Variants in MAP7 observed in about 807,000 individuals in gnomAD.
MAP7 encodes the protein microtubule associated protein 7, also known as ensconsin.
A neutral mutation model predicts 94.8 loss-of-function variants in MAP7; 52 were observed. That is an observed-to-expected ratio of 0.55 (90% CI 0.44 to 0.69). The LOEUF is 0.69. Ranked by LOEUF, MAP7 falls within the 30% of genes least tolerant of loss-of-function variation. The pLI, the probability that MAP7 is intolerant of heterozygous loss-of-function variation, is 0.00. For synonymous variants in MAP7, 350 were observed against 357.0 expected (o/e 0.98, Z 0.22); for missense variants, 940 against 964.6 (o/e 0.97, Z 0.34).
At chr6:136,449,018 A>G (rs72977582) in intron 1 of MAP7, among the ~76,000 whole-genome samples, 113 of 143,580 alleles carry the variant, frequency 7.9e-4, no homozygotes, top group African/African-American at 1.2e-3. Context: ...AAAAAAAAAA[A>G]AAGAAGCAAG....
At chr6:136,520,791 T>C (rs1826173276) in intron 1 of MAP7, among the ~76,000 whole-genome samples, 1 of 152,132 alleles carries the variant, frequency 6.6e-6, no homozygotes. Context: ...CAGATGAGCA[T>C]GAGTAGGACA....
chr6:136,550,225 G>C lies in MAP7; in HGVS notation c.67+117C>G. 1 of 900,120 alleles carries C rather than the reference G, an allele frequency of 1.1e-6. No homozygotes were observed. Among genetic ancestry groups the C allele is most frequent in the Non-Finnish European group, 1.5e-6 (1 of 686,504 alleles). The allele number at this position is 900,120 out of a possible 1,614,324, so 55.8% of individuals were successfully genotyped here. A position where few individuals can be genotyped will look rare whatever the true frequency, so the allele number is the denominator to read the frequency against. ...CGCGCAGGGCCGGTTGTTCCGGGCCGCGGCCGCGCGGGCGGGGAGGGGGCT... is the reference window on the plus strand; with the variant it reads ...CGCGCAGGGCCGGTTGTTCCGGGCCCCGGCCGCGCGGGCGGGGAGGGGGCT... On this transcript the variant is annotated intron_variant, in intron 1 of 17. Coordinates refer to ENST00000354570, the MANE Select transcript of MAP7 (RefSeq NM_003980.6). This position sits in a 1 kb window ranked among gnomAD's most constrained non-coding sequence, Gnocchi z 5.1.
At chr6:136,352,905 G>T (rs1421905904) in intron 16 of MAP7, among the ~76,000 whole-genome samples, 1 of 152,158 alleles carries the variant, frequency 6.6e-6, no homozygotes, top group East Asian at 1.9e-4. Flanking sequence ...TGCTATAAGA[G>T]GTAATACAAG....
At chr6:136,479,191 C>T (rs1195637137) in intron 1 of MAP7, among the ~76,000 whole-genome samples, 3 of 152,032 alleles carry the variant, frequency 2.0e-5, no homozygotes, top group Admixed American at 2.0e-4. Context: ...GGATTTATCC[C>T]AGGAATGAAA....
intron 15 of MAP7, among the ~76,000 whole-genome samples, chr6:136,358,094 T>A (rs1005104451): frequency 6.6e-6 from 1 of 152,218 alleles, no homozygotes; most frequent in Non-Finnish European, 1.5e-5. Flanking sequence ...TCAAGCCTCC[T>A]TTTAGCAGTT....
At chr6:136,473,445 G>A (rs916836711) in intron 1 of MAP7, among the ~76,000 whole-genome samples, 2 of 152,152 alleles carry the variant, frequency 1.3e-5, no homozygotes, top group African/African-American at 4.8e-5. Flanking sequence ...ATCTGTTCTT[G>A]TAGATTTTTT....
chr6:136,410,296 A>C (rs1211392224), intron 3 of MAP7, among the ~76,000 whole-genome samples: 1 of 152,248 alleles, frequency 6.6e-6, no homozygotes, highest in Non-Finnish European at 1.5e-5. Flanking sequence ...CATGGACTTG[A>C]AAACAGAGTG....
chr6:136,525,521 C>A (rs1281405780), intron 1 of MAP7, among the ~76,000 whole-genome samples: 1 of 152,160 alleles, frequency 6.6e-6, no homozygotes, highest in East Asian at 1.9e-4. Flanking sequence ...ATTTCCTCCT[C>A]TTGATGAGGA....
At chr6:136,499,672 T>C (rs968986705) in intron 1 of MAP7, among the ~76,000 whole-genome samples, 6 of 152,128 alleles carry the variant, frequency 3.9e-5, no homozygotes, top group Non-Finnish European at 7.3e-5. Flanking sequence ...TTCTTCTCTG[T>C]GTTTTGTTTT....
At chr6:136,538,523 C>T (rs904763665) in intron 1 of MAP7, among the ~76,000 whole-genome samples, 3 of 152,044 alleles carry the variant, frequency 2.0e-5, no homozygotes, top group Non-Finnish European at 2.9e-5. Flanking sequence ...CGGTGGCTCA[C>T]GCCTGTAATC....
chr6:136,389,118 G>C (rs967409350), intron 4 of MAP7, among the ~76,000 whole-genome samples: 4 of 152,182 alleles, frequency 2.6e-5, no homozygotes, highest in African/African-American at 4.8e-5. Flanking sequence ...ACTTCAATAA[G>C]TTATAGGTTT....
Position 136,505,989 on chromosome 6 carries a change from T to C in MAP7, c.67+44353A>G, listed in dbSNP as rs548910307. On this transcript the variant is annotated intron_variant, in intron 1 of 17. Coordinates refer to ENST00000354570, the MANE Select transcript of MAP7 (RefSeq NM_003980.6). ...GCTGATGTAACAAAACCAAAGTGAT[T>C]GGTAAAGAAGATTTAATAATGTATT... is the stretch of plus-strand genomic sequence containing the variant. Among the ~76,000 whole-genome samples the C allele has an allele frequency of 5.9e-5, 9 of 152,242 alleles. No homozygotes were observed. The East Asian group carries it at 1.7e-3, about 29-fold the overall frequency.
intron 1 of MAP7, among the ~76,000 whole-genome samples, chr6:136,504,899 C>G (rs902931506): frequency 1.8e-4 from 27 of 150,908 alleles, no homozygotes; most frequent in African/African-American, 5.8e-4. Context: ...AGTCTGGTCT[C>G]AAAATACTGA....
At chr6:136,484,173 G>A (rs750480148) in intron 1 of MAP7, among the ~76,000 whole-genome samples, 2 of 152,162 alleles carry the variant, frequency 1.3e-5, no homozygotes, top group Non-Finnish European at 2.9e-5. Flanking sequence ...CTAGGGCCAG[G>A]ACAGACCTCA....
Position 136,356,619 on chromosome 6 carries a change from C to G in MAP7, c.2015+73G>C, listed in dbSNP as rs1582652277. On this transcript the variant is annotated intron_variant, in intron 16 of 17. Transcript: ENST00000354570. ...CAAATAATAAATCCTAATGTTAAGACTTTGAAATTCTGGTGGAGCTGGTGG... is the reference window on the plus strand; with the variant it reads ...CAAATAATAAATCCTAATGTTAAGAGTTTGAAATTCTGGTGGAGCTGGTGG... 5 of 1,221,364 alleles carry G rather than the reference C, an allele frequency of 4.1e-6. No homozygotes were observed. In the African/African-American group the frequency reaches 5.9e-5, roughly 15 times the overall value. The allele number at this position is 1,221,364 out of a possible 1,614,324, so 75.7% of individuals were successfully genotyped here. A position where few individuals can be genotyped will look rare whatever the true frequency, so the allele number is the denominator to read the frequency against.
chr6:136,538,630 A>G (rs939203378), intron 1 of MAP7, among the ~76,000 whole-genome samples: 4 of 151,940 alleles, frequency 2.6e-5, no homozygotes, highest in Non-Finnish European at 5.9e-5. Context: ...GAGACAAAAA[A>G]AAAAATTAGC....
At chr6:136,464,240 T>C (rs1181880436) in intron 1 of MAP7, among the ~76,000 whole-genome samples, 2 of 152,220 alleles carry the variant, frequency 1.3e-5, no homozygotes, top group Non-Finnish European at 2.9e-5. Flanking sequence ...ATGCTGACTT[T>C]CTTTTCTTCT....
At chr6:136,519,235 A>C (rs191521188) in intron 1 of MAP7, among the ~76,000 whole-genome samples, 2 of 152,288 alleles carry the variant, frequency 1.3e-5, no homozygotes, top group Admixed American at 1.3e-4. Context: ...TCAGCAAATA[A>C]AAGTTTATGC....
chr6:136,429,756 G>A (rs1479531125), intron 1 of MAP7, among the ~76,000 whole-genome samples: 1 of 152,016 alleles, frequency 6.6e-6, no homozygotes, highest in East Asian at 1.9e-4. Flanking sequence ...AACCAAAAAG[G>A]CTTTTATCTA....
Sources: allele counts gnomAD v4.1 joint callset (sites outside exome capture counted in the v4.1 genomes callset), GRCh38; gene constraint gnomAD v4.1.1; non-coding constraint Gnocchi (gnomAD v3.1); transcripts MANE v1.5; gene names NCBI Gene and HGNC (gene_info 2026-07-23, HGNC 2026-07-21).